The following OSBPL5 variants were observed in gnomAD, a reference collection of about 807,000 sequenced individuals.
The protein encoded by OSBPL5 is oxysterol binding protein like 5.
In OSBPL5, 71 loss-of-function variants were observed where a neutral mutation model predicts 111.2. That is an observed-to-expected ratio of 0.64 (90% confidence interval 0.53 to 0.78). The LOEUF (loss-of-function observed/expected upper bound fraction) is 0.78, where lower values mean the gene tolerates loss of function less well. Ranked by LOEUF, OSBPL5 falls within the 30% of genes least tolerant of loss-of-function variation. The probability of loss-of-function intolerance (pLI) is 0.00; values close to 1 mark genes in which losing one functional copy is unlikely to be tolerated. For missense variants in OSBPL5, 1,210 were observed against 1,189.3 expected, an observed-to-expected ratio of 1.02 and a Z score of -0.26; for synonymous variants, 549 against 513.9, an observed-to-expected ratio of 1.07 and a Z score of -0.93.
chr11:3,100,163 C>T lies in OSBPL5; in HGVS notation c.1616G>A (p.Cys539Tyr). 2 of 1,614,010 alleles carry T rather than the reference C, an allele frequency of 1.2e-6. No homozygotes were observed. Among genetic ancestry groups the T allele is most frequent in the Non-Finnish European group, 1.7e-6 (2 of 1,179,956 alleles). Reference sequence around the variant, plus strand: ...TGTGTGGCTGAGCCTCTCACCTTTGCAGTGGGCGTAGGGCATGGTAAGGGT... The same window carrying T: ...TGTGTGGCTGAGCCTCTCACCTTTGTAGTGGGCGTAGGGCATGGTAAGGGT... Reference protein sequence around the residue: ...DYTLTMPYAHCKGILYGTMTL... With the variant: ...DYTLTMPYAHYKGILYGTMTL... The change falls in exon 14 of 22, where the codon TGC becomes TAC. Residue 539 changes from cysteine (C) to tyrosine (Y), a missense_variant. Cys to Tyr is a radical substitution (Grantham distance 194). Coordinates refer to ENST00000263650, the MANE Select transcript of OSBPL5 (RefSeq NM_020896.4).
At chr11:3,155,090 G>A (rs765061464) in intron 1 of OSBPL5, among the ~76,000 whole-genome samples, 18 of 152,112 alleles carry the variant, frequency 1.2e-4, no homozygotes, top group African/African-American at 3.6e-4. Context: ...GACAAGGAGC[G>A]AGGCCTCAGG....
At position 3,109,238 on chromosome 11, in the gene OSBPL5, CCTGT is replaced by C. The variant is rs1327936757; in HGVS notation, c.692-1297_692-1294del. On this transcript the variant is annotated intron_variant, in intron 7 of 21. Transcript: ENST00000263650. This position sits in a 1 kb window ranked among gnomAD's most constrained non-coding sequence, Gnocchi z 7.4. Reference sequence around the variant, plus strand: ...AAGTAGCTGGGATTACAGGTGCCTGCCTGTAATTTTTTTGTATTTTTAGTAGAGA... The same window carrying C: ...AAGTAGCTGGGATTACAGGTGCCTGCAATTTTTTTGTATTTTTAGTAGAGA... 6.6e-6 allele frequency among the ~76,000 whole-genome samples: 1 copy of C among 151,592 alleles called. No individual in the cohort carries two copies. The highest frequency in any genetic ancestry group is 1.5e-5 in the Non-Finnish European group (1 of 67,948).
At chr11:3,096,694 C>T (rs1486926377) in intron 14 of OSBPL5, among the ~76,000 whole-genome samples, 1 of 151,144 alleles carries the variant, frequency 6.6e-6, no homozygotes, top group Non-Finnish European at 1.5e-5. Flanking sequence ...AAATAAAATA[C>T]ACAAATGACA....
At position 3,146,837 on chromosome 11, in the gene OSBPL5, C is replaced by T. The variant is rs530092907; in HGVS notation, c.-21-17668G>A. Among the ~76,000 whole-genome samples the T allele has an allele frequency of 2.0e-4, 31 of 152,290 alleles. No individual in the cohort carries two copies. The highest frequency in any genetic ancestry group is 3.8e-4 in the Non-Finnish European group (26 of 68,016). ...GGGTCCCTGGCAGCCAGATCCCCTT[C>T]GCCGTGGCTGGAGCTGGCGTTTCTA... is the stretch of plus-strand genomic sequence containing the variant. On this transcript the variant is annotated intron_variant, in intron 1 of 21. Transcript: ENST00000263650. This position sits in a 1 kb window ranked among gnomAD's most constrained non-coding sequence, Gnocchi z 7.8.
intron 1 of OSBPL5, among the ~76,000 whole-genome samples, chr11:3,132,713 T>C (rs1845845696): frequency 1.3e-5 from 2 of 152,336 alleles, no homozygotes; most frequent in South Asian, 2.1e-4. Flanking sequence ...TCCCGGAGGC[T>C]TGGCCACTCT....
intron 13 of OSBPL5, 84 bp downstream of exon 13, chr11:3,101,519 G>A (rs1215110414): frequency 3.1e-6 from 4 of 1,295,678 alleles, no homozygotes; most frequent in Non-Finnish European, 4.4e-6. Flanking sequence ...CCCCCATCCA[G>A]ATCTTGGTCC....
chr11:3,142,409 T>TA lies in OSBPL5; in HGVS notation c.-21-13241dup, dbSNP rs1434417408. ...CTGGTCTGTACAACTGGGAAGCCCC[T>TA]ACCTCTCCACCACGACCCCTCCATG... On this transcript the variant is annotated intron_variant, in intron 1 of 21. Coordinates refer to ENST00000263650, the MANE Select transcript of OSBPL5 (RefSeq NM_020896.4). This position sits in a 1 kb window ranked among gnomAD's most constrained non-coding sequence, Gnocchi z 7.1. 1.3e-5 allele frequency among the ~76,000 whole-genome samples: 2 copies of TA among 152,132 alleles called. No homozygotes were observed. The highest frequency in any genetic ancestry group is 2.9e-5 in the Non-Finnish European group (2 of 68,020).
At chr11:3,101,549 C>A in intron 13 of OSBPL5, 54 bp downstream of exon 13, 1 of 1,526,822 alleles carries the variant, frequency 6.5e-7, no homozygotes, top group Non-Finnish European at 9.1e-7. Flanking sequence ...CGGAGTCCTC[C>A]CGACCATCGC....
intron 1 of OSBPL5, among the ~76,000 whole-genome samples, chr11:3,151,800 T>C (rs1465821759): frequency 6.6e-6 from 1 of 152,240 alleles, no homozygotes; most frequent in East Asian, 1.9e-4. Flanking sequence ...GCTGGGAACC[T>C]GGATGGGCCC....
chr11:3,120,076 G>A (rs573398158), intron 6 of OSBPL5: 142 of 459,428 alleles, frequency 3.1e-4, no homozygotes, highest in Admixed American at 1.0e-3. Flanking sequence ...TTTCCCACCC[G>A]TTAGAGCTGG....
At position 3,140,024 on chromosome 11, in the gene OSBPL5, G is replaced by A. The variant is rs989052665; in HGVS notation, c.-21-10855C>T. Among the ~76,000 whole-genome samples, 3 of 152,206 alleles carry A rather than the reference G, an allele frequency of 2.0e-5. No individual in the cohort carries two copies. Among genetic ancestry groups the A allele is most frequent in the Non-Finnish European group, 2.9e-5 (2 of 68,020 alleles). ...AGCCAGCCTCACAAGATCATTCATC[G>A]CAAGCTCTGGGCCCACTGCTCGGCT... On this transcript the variant is annotated intron_variant, in intron 1 of 21. Transcript: ENST00000263650. This position sits in a 1 kb window ranked among gnomAD's most constrained non-coding sequence, Gnocchi z 4.5.
chr11:3,121,987 C>T lies in OSBPL5; in HGVS notation c.402+10G>A. Reference sequence around the variant, plus strand: ...GTGTCCTGGGTGGCCGGAGGCCGGGCATCACCTACCTTCAGGCTGTCAGCC... The same window carrying T: ...GTGTCCTGGGTGGCCGGAGGCCGGGTATCACCTACCTTCAGGCTGTCAGCC... On this transcript the variant is annotated intron_variant, in intron 5 of 21. Coordinates refer to ENST00000263650, the MANE Select transcript of OSBPL5 (RefSeq NM_020896.4). The surrounding 1 kb of genome is among the most constrained non-coding windows in gnomAD (Gnocchi z 4.3). 1 of 1,553,882 alleles carries T rather than the reference C, an allele frequency of 6.4e-7. No homozygotes were observed.
chr11:3,158,516 G>A (rs112100405), intron 1 of OSBPL5, among the ~76,000 whole-genome samples: 327 of 152,346 alleles, frequency 2.1e-3, no homozygotes, highest in African/African-American at 7.7e-3. Context: ...GGGCGTCCTC[G>A]GCAGCATCAG....
rs1858458480 is a variant in OSBPL5, at chr11:3,122,486, G to A, written c.220-58C>T. The A allele has an allele frequency of 2.6e-6, 4 of 1,524,010 alleles. No homozygotes were observed. The Admixed American group carries it at 7.2e-5, about 27-fold the overall frequency. 94.4% of individuals were successfully genotyped at this position (1,524,010 alleles called of 1,614,324 possible). A position where few individuals can be genotyped will look rare whatever the true frequency, so the allele number is the denominator to read the frequency against. ...CACAGGGGCCGGCCCAGGGCTAGGA[G>A]CCCAGGTTGGCCTGATGCCAAGGAT... On this transcript the variant is annotated intron_variant, in intron 3 of 21. Coordinates refer to ENST00000263650, the MANE Select transcript of OSBPL5 (RefSeq NM_020896.4).
Position 3,090,666 on chromosome 11 carries a change from C to T in OSBPL5, c.2290G>A (p.Ala764Thr), listed in dbSNP as rs766856150. 3 of 1,611,740 alleles carry T rather than the reference C, an allele frequency of 1.9e-6. No individual in the cohort carries two copies. Among genetic ancestry groups the T allele is most frequent in the Non-Finnish European group, 2.5e-6 (3 of 1,179,686 alleles). Reference protein sequence around the residue: ...RSGPDQRLRKASDQPSGHSQA... With the variant: ...RSGPDQRLRKTSDQPSGHSQA... Reference sequence around the variant, plus strand: ...CTGTGGCCGGAGGGCTGGTCGCTGGCCTTGCGAAGCCGCTGGTCTGGGCCA... The same window carrying T: ...CTGTGGCCGGAGGGCTGGTCGCTGGTCTTGCGAAGCCGCTGGTCTGGGCCA... Residue 764 changes from alanine (A) to threonine (T), a missense_variant, in exon 20 of 22, where the codon GCC (alanine) becomes ACC (threonine). Ala to Thr is a moderately conservative substitution (Grantham distance 58). Transcript: ENST00000263650.
In OSBPL5 at chr11:3,101,817, A is replaced by T. The variant is rs67090912; in HGVS notation, c.1426-118T>A. Reference sequence around the variant, plus strand: ...CCCTGACGCCACATCTTCTCCCCCGATCCCAGGATTCGGGTAGGGGCCTTC... The same window carrying T: ...CCCTGACGCCACATCTTCTCCCCCGTTCCCAGGATTCGGGTAGGGGCCTTC... On this transcript the variant is annotated intron_variant, in intron 12 of 21. Coordinates refer to ENST00000263650, the MANE Select transcript of OSBPL5 (RefSeq NM_020896.4). 93 of 834,816 alleles carry T rather than the reference A, an allele frequency of 1.1e-4. No individual in the cohort carries two copies. The African/African-American group carries it at 1.3e-3, about 12-fold the overall frequency. The allele number at this position is 834,816 out of a possible 1,614,324, so 51.7% of individuals were successfully genotyped here. A position where few individuals can be genotyped will look rare whatever the true frequency, so the allele number is the denominator to read the frequency against.
At chr11:3,108,368 C>T (rs1021371626) in intron 7 of OSBPL5, among the ~76,000 whole-genome samples, 1 of 152,198 alleles carries the variant, frequency 6.6e-6, no homozygotes, top group African/African-American at 2.4e-5. Context: ...CTGATGGCCA[C>T]CCACAGGTTT....
rs775617842 is a variant in OSBPL5, at chr11:3,107,859, C to T, written c.778G>A (p.Glu260Lys). Residue 260 changes from glutamate (E) to lysine (K), a missense_variant, in exon 8 of 22, where the codon GAG (glutamate) becomes AAG (lysine). Coordinates refer to ENST00000263650, the MANE Select transcript of OSBPL5 (RefSeq NM_020896.4). This position sits in a 1 kb window ranked among gnomAD's most constrained non-coding sequence, Gnocchi z 6.1. ...GATGCGTCTGGCGAGGTCCCTGGCT[C>T]CCCGTCTCGGCCCGGCTTGCAGGTG... ...LGTCKPGRDG[E>K]PGTSPDASPS... 1.9e-6 allele frequency: 3 copies of T among 1,610,210 alleles called. No homozygotes were observed. Among genetic ancestry groups the T allele is most frequent in the East Asian group, 4.5e-5 (2 of 44,864 alleles).
In OSBPL5 at chr11:3,107,992, T is replaced by A; in HGVS notation, c.692-47A>T. 1 of 1,578,618 alleles carries A rather than the reference T, an allele frequency of 6.3e-7. No individual in the cohort carries two copies. Among genetic ancestry groups the A allele is most frequent in the Non-Finnish European group, 8.5e-7 (1 of 1,170,398 alleles). On this transcript the variant is annotated intron_variant, in intron 7 of 21. Transcript: ENST00000263650. The surrounding 1 kb of genome is among the most constrained non-coding windows in gnomAD (Gnocchi z 6.1). Reference sequence around the variant, plus strand: ...CATGCCCCACCCCCACCTCTGTATATCCCGCATCCCCCAAGGGGCCACCAG... The same window carrying A: ...CATGCCCCACCCCCACCTCTGTATAACCCGCATCCCCCAAGGGGCCACCAG...
Sources: allele counts gnomAD v4.1 joint callset (sites outside exome capture counted in the v4.1 genomes callset), GRCh38; gene constraint gnomAD v4.1.1; non-coding constraint Gnocchi (gnomAD v3.1); transcripts MANE v1.5; gene names NCBI Gene and HGNC (gene_info 2026-07-23, HGNC 2026-07-21).